MSH5: variants seen among roughly 807,000 people sequenced by gnomAD.
MSH5 encodes mutS homolog 5, also known as mutS protein homolog 5.
MSH5 carries 78 observed loss-of-function variants against 107.7 expected under a neutral mutation model. That is an observed-to-expected ratio of 0.72 (90% CI 0.60 to 0.87). The LOEUF is 0.87. Among genes scored for constraint, MSH5 ranks in the 40% least tolerant of loss-of-function variants. The pLI is 0.00. For missense variants in MSH5, 889 were observed against 1,046.6 expected, an observed-to-expected ratio of 0.85 and a Z score of 2.08; for synonymous variants, 326 against 399.5, an observed-to-expected ratio of 0.82 and a Z score of 2.19.
In MSH5 at chr6:31,758,402, G is replaced by A; in HGVS notation, c.1143+109G>A. ...TTGAGGTCAATTGGATAAAGAATGG[G>A]ATGGTGGGAGGAGGCAGCAGAACTT... On this transcript the variant is annotated intron_variant, in intron 13 of 24. Transcript: ENST00000375750. The surrounding 1 kb of genome is among the most constrained non-coding windows in gnomAD (Gnocchi z 5.1). 6.4e-7 allele frequency: 1 copy of A among 1,567,264 alleles called. No homozygotes were observed. The highest frequency in any genetic ancestry group is 8.7e-7 in the Non-Finnish European group (1 of 1,145,336).
rs1562251596 is a variant in MSH5 at position 31,761,810 on chromosome 6, CTTTT to C, written c.2182-7_2182-4del. Reference sequence around the variant, plus strand: ...TTGATGATACACTGTCTTTTATTCTCTTTTAAGACCATGGAGACCTGTGAGGATG... The same window carrying C: ...TTGATGATACACTGTCTTTTATTCTCAAGACCATGGAGACCTGTGAGGATG... On this transcript the variant is annotated splice_polypyrimidine_tract_variant and splice_region_variant and intron_variant, in intron 22 of 24. Transcript: ENST00000375750. The surrounding 1 kb of genome is among the most constrained non-coding windows in gnomAD (Gnocchi z 5.3). The C allele has an allele frequency of 2.5e-6, 4 of 1,613,098 alleles. No individual in the cohort carries two copies. Among genetic ancestry groups the C allele is most frequent in the Non-Finnish European group, 3.4e-6 (4 of 1,180,026 alleles).
At chr6:31,750,090 G>A (rs1809812189) in intron 10 of MSH5, among the ~76,000 whole-genome samples, 1 of 152,086 alleles carries the variant, frequency 6.6e-6, no homozygotes, top group Non-Finnish European at 1.5e-5. Flanking sequence ...GAAGAGAGCT[G>A]GATTTAAGGT....
In MSH5 at chr6:31,758,630, G is replaced by A; in HGVS notation, c.1216+10G>A. On this transcript the variant is annotated intron_variant, in intron 14 of 24. Coordinates refer to ENST00000375750, the MANE Select transcript of MSH5 (RefSeq NM_172166.4). The surrounding 1 kb of genome is among the most constrained non-coding windows in gnomAD (Gnocchi z 5.1). ...CCTGAAATTGATGAGAGTGAGTGTT[G>A]GGTGTGGATGGGCCTGTGAGCCCTG... 6.2e-7 allele frequency: 1 copy of A among 1,613,974 alleles called. No individual in the cohort carries two copies. The highest frequency in any genetic ancestry group is 1.3e-5 in the African/African-American group (1 of 75,034).
chr6:31,750,736 G>C (rs1443643796), intron 10 of MSH5, among the ~76,000 whole-genome samples: 1 of 152,196 alleles, frequency 6.6e-6, no homozygotes, highest in Non-Finnish European at 1.5e-5. Flanking sequence ...CCATCTGGAT[G>C]CTCCGCTTCA....
Position 31,761,423 on chromosome 6 carries a change from C to T in MSH5, c.2038-49C>T, listed in dbSNP as rs1562250600. The T allele has an allele frequency of 1.2e-6, 2 of 1,609,850 alleles. No individual in the cohort carries two copies. The highest frequency in any genetic ancestry group is 1.7e-6 in the Non-Finnish European group (2 of 1,178,566). On this transcript the variant is annotated intron_variant, in intron 21 of 24. Coordinates refer to ENST00000375750, the MANE Select transcript of MSH5 (RefSeq NM_172166.4). This position sits in a 1 kb window ranked among gnomAD's most constrained non-coding sequence, Gnocchi z 5.3. Reference sequence around the variant, plus strand: ...GAAAGGCAGTGCAAGTGCAGAGGGGCATATGGGGTCCCCATGGCTCCGAAT... The same window carrying T: ...GAAAGGCAGTGCAAGTGCAGAGGGGTATATGGGGTCCCCATGGCTCCGAAT...
chr6:31,753,746 T>C (rs1351133093), intron 12 of MSH5, 117 bp downstream of exon 12: 1 of 978,764 alleles, frequency 1.0e-6, no homozygotes, highest in Non-Finnish European at 1.6e-6. Flanking sequence ...TTTTTTTTTT[T>C]TGGAGACAGC....
At chr6:31,752,668 C>T (rs1013899464) in intron 10 of MSH5, among the ~76,000 whole-genome samples, 1 of 150,106 alleles carries the variant, frequency 6.7e-6, no homozygotes, top group African/African-American at 2.5e-5. Context: ...TGCAGTGAGC[C>T]GAGATCGCAT....
At chr6:31,748,002 CAAA>C (rs9279406) in intron 10 of MSH5, among the ~76,000 whole-genome samples, 12 of 141,418 alleles carry the variant, frequency 8.5e-5, no homozygotes, top group Admixed American at 1.4e-4. Flanking sequence ...GACTCCGTCT[CAAA>C]AAAAAAAAAA....
intron 9 of MSH5, among the ~76,000 whole-genome samples, chr6:31,746,597 C>T (rs929399740): frequency 6.6e-6 from 1 of 151,626 alleles, no homozygotes; most frequent in South Asian, 2.1e-4. Flanking sequence ...TACAGGCCTG[C>T]ACCACCATGC....
Position 31,747,392 on chromosome 6 carries a change from C to T in MSH5, c.772C>T (p.Leu258Phe), listed in dbSNP as rs1342775439. The T allele has an allele frequency of 6.2e-7, 1 of 1,613,096 alleles. No homozygotes were observed. Among genetic ancestry groups the T allele is most frequent in the Admixed American group, 1.7e-5 (1 of 60,000 alleles). Residue 258 changes from leucine to phenylalanine, a missense_variant, in exon 10 of 25, where the codon CTC becomes TTC. This residue lies in a region of MSH5 where 518 missense variants were observed against 565.0 expected (regional missense o/e 0.92). Transcript: ENST00000375750. ...CCCTGCCTTATCCCTCACAGGAATC[C>T]TCAACAGATGCCACTGTAAGTGGGG... ...LKEGLSLFGI[L>F]NRCHCKWGEK...
At chr6:31,750,852 G>A (rs1809888753) in intron 10 of MSH5, among the ~76,000 whole-genome samples, 1 of 152,076 alleles carries the variant, frequency 6.6e-6, no homozygotes, top group African/African-American at 2.4e-5. Flanking sequence ...TATATAAGAT[G>A]GCATCCTTAG....
At position 31,759,530 on chromosome 6, in the gene MSH5, G is replaced by T. The variant is rs373474813; in HGVS notation, c.1495+18G>T. 8.1e-6 allele frequency: 13 copies of T among 1,611,702 alleles called. No individual in the cohort carries two copies. In the East Asian group the frequency reaches 1.8e-4, roughly 22 times the overall value. The stretch of plus-strand genomic sequence containing the variant: ...GATCCGGGGTGAGGAAAAGCCAGAG[G>T]TTATATGCATTGTAAGATGTTTAAA... On this transcript the variant is annotated intron_variant, in intron 17 of 24. Coordinates refer to ENST00000375750, the MANE Select transcript of MSH5 (RefSeq NM_172166.4). This position sits in a 1 kb window ranked among gnomAD's most constrained non-coding sequence, Gnocchi z 4.7.
chr6:31,746,109 T>TGTGTGTGTGTGTGTGTGTGA (rs1809435482), intron 9 of MSH5: 1 of 152,262 alleles, frequency 6.6e-6, no homozygotes, highest in Non-Finnish European at 1.4e-5. Flanking sequence ...TGTGTGTGTG[T>TGTGTGTGTGTGTGTGTGTGA]GTGTGAGACG....
At chr6:31,755,337 C>CATTTATTTATTTATTTATTT (rs60849631) in intron 12 of MSH5, among the ~76,000 whole-genome samples, 2 of 144,924 alleles carry the variant, frequency 1.4e-5, no homozygotes, top group Non-Finnish European at 3.0e-5. Flanking sequence ...TTTTTGCTTG[C>CATTTATTTATTTATTTATTT]ATTTATTTAT....
intron 9 of MSH5, 117 bp downstream of exon 9, chr6:31,745,436 C>G: frequency 1.4e-6 from 1 of 704,722 alleles, no homozygotes; most frequent in Non-Finnish European, 2.4e-6. Context: ...ATATCTCTTT[C>G]ATGCCAATCC....
intron 5 of MSH5, 130 bp from the exon 6 acceptor site, chr6:31,743,773 GC>G: frequency 7.4e-7 from 1 of 1,349,552 alleles, no homozygotes; most frequent in African/African-American, 1.5e-5. Context: ...TCTTGCTCTA[GC>G]TTTCCATTAA....
At position 31,760,302 on chromosome 6, in the gene MSH5, C is replaced by T; in HGVS notation, c.1812+86C>T. On this transcript the variant is annotated intron_variant, in intron 19 of 24. Coordinates refer to ENST00000375750, the MANE Select transcript of MSH5 (RefSeq NM_172166.4). This position sits in a 1 kb window ranked among gnomAD's most constrained non-coding sequence, Gnocchi z 5.6. ...TGCCAGCCAACTCAGGCTCCTGCAG[C>T]TCTTCTCCCATTTTCTGACCCCGCT... 1 of 1,493,500 alleles carries T rather than the reference C, an allele frequency of 6.7e-7. No homozygotes were observed. Among genetic ancestry groups the T allele is most frequent in the Non-Finnish European group, 8.9e-7 (1 of 1,120,556 alleles). 92.5% of individuals were successfully genotyped at this position (1,493,500 alleles called of 1,614,324 possible). A position where few individuals can be genotyped will look rare whatever the true frequency, so the allele number is the denominator to read the frequency against.
chr6:31,743,592 A>G (rs1389241858), intron 5 of MSH5: 2 of 465,726 alleles, frequency 4.3e-6, no homozygotes, highest in African/African-American at 4.0e-5. Flanking sequence ...ATATTAAGGC[A>G]TTAGTGTTAC....
intron 10 of MSH5, among the ~76,000 whole-genome samples, chr6:31,748,893 T>G (rs1377871574): frequency 6.6e-6 from 1 of 150,882 alleles, no homozygotes; most frequent in Non-Finnish European, 1.5e-5. Context: ...ATGCCTGTGT[T>G]TATGCTGCTC....
Sources: allele counts gnomAD v4.1 joint callset (sites outside exome capture counted in the v4.1 genomes callset), GRCh38; gene constraint gnomAD v4.1.1; regional missense constraint gnomAD v4.1.1; non-coding constraint Gnocchi (gnomAD v3.1); transcripts MANE v1.5; gene names NCBI Gene and HGNC (gene_info 2026-07-23, HGNC 2026-07-21).